The following ATP11A variants were observed in gnomAD, a reference collection of about 807,000 sequenced individuals.
The protein encoded by ATP11A is ATPase phospholipid transporting 11A.
Under a neutral mutation model 154.4 loss-of-function variants are expected in ATP11A, and 81 were observed. That is an observed-to-expected ratio of 0.52 (90% confidence interval 0.44 to 0.63). The LOEUF (loss-of-function observed/expected upper bound fraction) is 0.63. ATP11A is among the 30% of genes least tolerant of loss of function. The probability of loss-of-function intolerance (pLI) is 0.00; values close to 1 mark genes in which losing one functional copy is unlikely to be tolerated. For missense variants in ATP11A, 1,316 were observed against 1,474.3 expected (o/e 0.89, Z 1.76); for synonymous variants, 623 against 585.9 (o/e 1.06, Z -0.91).
chr13:112,876,400 G>A (rs761100957), intron 28 of ATP11A, among the ~76,000 whole-genome samples: 12 of 151,970 alleles, frequency 7.9e-5, no homozygotes, highest in South Asian at 2.1e-4. Flanking sequence ...CAGGGAAGAC[G>A]TGACGATGCC....
rs966612581 is a variant in ATP11A at position 112,697,368 on chromosome 13, A to G, written c.39+6913A>G. 6.6e-6 allele frequency among the ~76,000 whole-genome samples: 1 copy of G among 152,072 alleles called. No individual in the cohort carries two copies. Among genetic ancestry groups the G allele is most frequent in the Middle Eastern group, 3.2e-3 (1 of 316 alleles). The stretch of plus-strand genomic sequence containing the variant: ...CGTGTGCCTAGAACGTTCCTGGCAC[A>G]GAAAAGCCACGCAGAAAACAGCTGC... On this transcript the variant is annotated intron_variant, in intron 1 of 29. Coordinates refer to ENST00000375645, the MANE Select transcript of ATP11A (RefSeq NM_015205.3). This position sits in a 1 kb window ranked among gnomAD's most constrained non-coding sequence, Gnocchi z 4.0.
chr13:112,709,405 T>C (rs987007173), intron 1 of ATP11A, among the ~76,000 whole-genome samples: 1 of 152,166 alleles, frequency 6.6e-6, no homozygotes, highest in Non-Finnish European at 1.5e-5. Flanking sequence ...AGAATCCTCT[T>C]CCCCCTTTGT....
At chr13:112,862,655 C>G in intron 25 of ATP11A, 80 bp downstream of exon 25, 1 of 1,586,892 alleles carries the variant, frequency 6.3e-7, no homozygotes, top group Non-Finnish European at 8.6e-7. Flanking sequence ...TTTGCCAAAG[C>G]AGAATTCAGT....
intron 17 of ATP11A, among the ~76,000 whole-genome samples, chr13:112,845,095 T>A (rs2079545598): frequency 6.6e-6 from 1 of 151,100 alleles, no homozygotes; most frequent in Non-Finnish European, 1.5e-5. Flanking sequence ...ACCAGTCCAG[T>A]TGCCAGCCAC....
intron 2 of ATP11A, among the ~76,000 whole-genome samples, chr13:112,793,858 T>A (rs2077927296): frequency 6.6e-6 from 1 of 152,208 alleles, no homozygotes; most frequent in Non-Finnish European, 1.5e-5. Context: ...GAGGCCATGC[T>A]CTTCCCTGTC....
chr13:112,759,217 A>G (rs1427707352), intron 1 of ATP11A, among the ~76,000 whole-genome samples: 2 of 152,150 alleles, frequency 1.3e-5, no homozygotes, highest in Non-Finnish European at 2.9e-5. Flanking sequence ...AGCTCTGGGT[A>G]ACTCTGGGTG....
At chr13:112,866,409 G>A (rs2080334693) in intron 25 of ATP11A, among the ~76,000 whole-genome samples, 1 of 151,958 alleles carries the variant, frequency 6.6e-6, no homozygotes, top group Admixed American at 6.6e-5. Context: ...CATTGAGCCA[G>A]GGATGTTTTC....
At chr13:112,727,213 A>G (rs532662160) in intron 1 of ATP11A, among the ~76,000 whole-genome samples, 2 of 152,124 alleles carry the variant, frequency 1.3e-5, no homozygotes, top group East Asian at 3.9e-4. Context: ...ATGCCTGGCT[A>G]ATTTTGTATT....
At position 112,807,413 on chromosome 13, in the gene ATP11A, G is replaced by T. The variant is rs909109486; in HGVS notation, c.333+1120G>T. Among the ~76,000 whole-genome samples, 1 of 152,222 alleles carries T rather than the reference G, an allele frequency of 6.6e-6. No homozygotes were observed. The highest frequency in any genetic ancestry group is 2.1e-4 in the South Asian group (1 of 4,834). ...GACTCGGGCAACCTGGTGTCCCTCCGTAAGGAAATGGACAGCTCCGCCGCG... is the reference window on the plus strand; with the variant it reads ...GACTCGGGCAACCTGGTGTCCCTCCTTAAGGAAATGGACAGCTCCGCCGCG... On this transcript the variant is annotated intron_variant, in intron 4 of 29. Transcript: ENST00000375645. This position sits in a 1 kb window ranked among gnomAD's most constrained non-coding sequence, Gnocchi z 4.5.
Position 112,858,152 on chromosome 13 carries a change from C to T in ATP11A, c.2529C>T (p.Ile843=), listed in dbSNP as rs761350091. 1.2e-5 allele frequency: 20 copies of T among 1,613,398 alleles called. No homozygotes were observed. The highest frequency in any genetic ancestry group is 8.3e-5 in the Admixed American group (5 of 60,014). The change falls in exon 22 of 30, where the codon ATC becomes ATT. Residue 843 remains isoleucine, a synonymous_variant. Coordinates refer to ENST00000375645, the MANE Select transcript of ATP11A (RefSeq NM_015205.3). ...TTCACCTCCGTCTTCTAGGTGTCAT[C>T]GGCAAGGAAGGCCGCCAGGCTGCCA... is the stretch of plus-strand genomic sequence containing the variant. ...ILEAHVGIGV[I]GKEGRQAARN...
chr13:112,823,384 A>C lies in ATP11A; in HGVS notation c.765A>C (p.Thr255=). 1.9e-6 allele frequency: 3 copies of C among 1,612,916 alleles called. No individual in the cohort carries two copies. In the South Asian group the frequency reaches 3.3e-5, roughly 18 times the overall value. ...AAAACCTGCTGCTTAGAGGAGCTAC[A>C]CTGAAGAACACTGAGAAAATCTTTG... ...GSENLLLRGA[T]LKNTEKIFGV... is the part of the protein sequence containing the mutation. Residue 255 remains threonine (T), a synonymous_variant, in exon 9 of 30, where the codon ACA becomes ACC. Transcript: ENST00000375645.
chr13:112,836,202 T>A lies in ATP11A; in HGVS notation c.1656T>A (p.Ser552Arg). 1.2e-6 allele frequency: 2 copies of A among 1,612,976 alleles called. No homozygotes were observed. Among genetic ancestry groups the A allele is most frequent in the Non-Finnish European group, 1.7e-6 (2 of 1,179,246 alleles). ...GGTTTGAATTGCTGGAAATTTTGAGTTTTGACTCAGTCAGAAGGAGAATGA... is the reference window on the plus strand; with the variant it reads ...GGTTTGAATTGCTGGAAATTTTGAGATTTGACTCAGTCAGAAGGAGAATGA... ...IERFELLEIL[S>R]FDSVRRRMSV... The change falls in exon 16 of 30, where the codon AGT becomes AGA. Residue 552 changes from serine (S) to arginine (R), a missense_variant. By Grantham distance (110) the Ser-to-Arg change is moderately radical. Coordinates refer to ENST00000375645, the MANE Select transcript of ATP11A (RefSeq NM_015205.3).
At chr13:112,761,447 A>G (rs1488926666) in intron 1 of ATP11A, among the ~76,000 whole-genome samples, 2 of 152,140 alleles carry the variant, frequency 1.3e-5, no homozygotes, top group Non-Finnish European at 2.9e-5. Flanking sequence ...AGTTATTGTT[A>G]ATCTCTTACT....
At chr13:112,782,109 T>C (rs2077515221) in intron 1 of ATP11A, among the ~76,000 whole-genome samples, 1 of 152,280 alleles carries the variant, frequency 6.6e-6, no homozygotes, top group Non-Finnish European at 1.5e-5. Context: ...GCTACACTGT[T>C]GGGCTGTATC....
chr13:112,856,158 C>G, intron 20 of ATP11A, 73 bp downstream of exon 20: 1 of 1,439,200 alleles, frequency 6.9e-7, no homozygotes, highest in Non-Finnish European at 9.4e-7. Flanking sequence ...TTAGGTCTCA[C>G]CGCCTCAGAT....
intron 27 of ATP11A, among the ~76,000 whole-genome samples, chr13:112,874,282 C>T (rs982417566): frequency 6.6e-6 from 1 of 152,162 alleles, no homozygotes; most frequent in Non-Finnish European, 1.5e-5. Context: ...GGAGAGGGGC[C>T]CGGACCAGGC....
intron 10 of ATP11A, 140 bp from the exon 11 acceptor site, chr13:112,825,290 C>T (rs559668285): frequency 1.5e-5 from 13 of 887,090 alleles, no homozygotes; most frequent in East Asian, 5.6e-5. Flanking sequence ...GAGGACCCAC[C>T]GTGGTGCGTT....
chr13:112,779,135 AGTGAGTAGCCGCT>A, intron 1 of ATP11A, among the ~76,000 whole-genome samples: 1 of 101,224 alleles, frequency 9.9e-6, no homozygotes, highest in South Asian at 3.8e-4. Context: ...TAGCCGCTGG[AGTGAGTAGCCGCT>A]GGAGTGAGGA....
At chr13:112,790,033 C>A (rs1189253251) in intron 2 of ATP11A, among the ~76,000 whole-genome samples, 2 of 151,390 alleles carry the variant, frequency 1.3e-5, no homozygotes, top group East Asian at 4.0e-4. Flanking sequence ...GACCTGTAGA[C>A]CCCTGTGGCG....
Sources: allele counts gnomAD v4.1 joint callset (sites outside exome capture counted in the v4.1 genomes callset), GRCh38; gene constraint gnomAD v4.1.1; non-coding constraint Gnocchi (gnomAD v3.1); transcripts MANE v1.5; gene names NCBI Gene and HGNC (gene_info 2026-07-23, HGNC 2026-07-21).